OSBPL9: variants seen among roughly 807,000 people sequenced by gnomAD.
OSBPL9 encodes the protein oxysterol binding protein like 9.
A neutral mutation model predicts 106.6 loss-of-function variants in OSBPL9; 40 were observed. The observed-to-expected ratio is 0.38, with a 90% CI of 0.29 to 0.49. The LOEUF is 0.49. OSBPL9 is among the 20% of genes least tolerant of loss of function. The probability of loss-of-function intolerance (pLI) is 0.97; values close to 1 mark genes in which losing one functional copy is unlikely to be tolerated. For synonymous variants in OSBPL9, 269 were observed against 295.4 expected (o/e 0.91, Z 0.92); for missense variants, 609 against 887.2 (o/e 0.69, Z 3.98).
intron 2 of OSBPL9, among the ~76,000 whole-genome samples, chr1:51,606,920 G>C (rs1259289004): frequency 6.6e-6 from 1 of 151,820 alleles, no homozygotes; most frequent in Non-Finnish European, 1.5e-5. Flanking sequence ...CATGGTGGCG[G>C]GCGCCTGTAG....
chr1:51,651,230 T>C (rs895965040), intron 1 of OSBPL9, among the ~76,000 whole-genome samples: 2 of 152,282 alleles, frequency 1.3e-5, no homozygotes, highest in Non-Finnish European at 2.9e-5. Flanking sequence ...GCAAAAAATG[T>C]TACCCATTTG....
the OSBPL9 span, among the ~76,000 whole-genome samples, chr1:51,562,194 T>C: frequency 2.8e-4 from 42 of 152,138 alleles, no homozygotes; most frequent in Non-Finnish European, 1.0e-4. Context: ...TGGGAGGTGA[T>C]TGGATCATGG....
At chr1:51,734,824 G>A (rs984467842) in intron 4 of OSBPL9, among the ~76,000 whole-genome samples, 5 of 151,886 alleles carry the variant, frequency 3.3e-5, no homozygotes, top group African/African-American at 1.2e-4. Context: ...CCCCTTGGTC[G>A]CCTTTCCCCC....
chr1:51,681,626 A>G (rs1435954849), intron 3 of OSBPL9, among the ~76,000 whole-genome samples: 3 of 152,198 alleles, frequency 2.0e-5, no homozygotes, highest in African/African-American at 7.2e-5. Context: ...AGGTTTCTCA[A>G]AAAACTAAAA....
At chr1:51,575,466 C>T (rs1645177899), upstream of OSBPL9, among the ~76,000 whole-genome samples, 2 of 151,972 alleles carry the variant, frequency 1.3e-5, no homozygotes, top group Non-Finnish European at 2.9e-5. Context: ...CTGCCTCGGC[C>T]TCCCAAAGTG....
chr1:51,711,482 CCCG>C (rs2148885015), intron 3 of OSBPL9, among the ~76,000 whole-genome samples: 1 of 139,902 alleles, frequency 7.1e-6, no homozygotes, highest in African/African-American at 2.7e-5. Flanking sequence ...CCACCTCCCT[CCCG>C]GACGGGGCGG....
rs1571369916 is a variant in OSBPL9, at chr1:51,729,646, C to T, written c.318+15567C>T. The T allele has an allele frequency of 3.6e-5, 11 of 306,588 alleles. No individual in the cohort carries two copies. In the East Asian group the frequency reaches 7.0e-4, roughly 19 times the overall value. 19.0% of individuals were successfully genotyped at this position (306,588 alleles called of 1,614,324 possible). A position where few individuals can be genotyped will look rare whatever the true frequency, so the allele number is the denominator to read the frequency against. ...CACCCCTCCCGCGAGCTGCCAGCTC[C>T]CTCGGCCTCTCCACCCAAAACTGGC... is the stretch of plus-strand genomic sequence containing the variant. On this transcript the variant is annotated intron_variant, in intron 4 of 23. Transcript: ENST00000428468. The surrounding 1 kb of genome is among the most constrained non-coding windows in gnomAD (Gnocchi z 5.1).
Position 51,684,958 on chromosome 1 carries a change from C to T in OSBPL9, c.241+15446C>T, listed in dbSNP as rs1411458954. ...AGAGAATCTAGCTCTGTCACCCAGG[C>T]TGGAATGCAGTGGCAGGATCATAGC... On this transcript the variant is annotated intron_variant, in intron 3 of 23. Coordinates refer to ENST00000428468, the MANE Select transcript of OSBPL9 (RefSeq NM_024586.6). 2.0e-5 allele frequency among the ~76,000 whole-genome samples: 3 copies of T among 148,498 alleles called. No homozygotes were observed. The East Asian group carries it at 5.9e-4, about 29-fold the overall frequency.
the OSBPL9 span, among the ~76,000 whole-genome samples, chr1:51,526,792 T>C: frequency 6.6e-6 from 1 of 152,098 alleles, no homozygotes; most frequent in Non-Finnish European, 1.5e-5. Flanking sequence ...GTCACCAGGC[T>C]GGAGTGCAGT....
chr1:51,716,898 C>A (rs1661162973), intron 4 of OSBPL9, among the ~76,000 whole-genome samples: 1 of 152,042 alleles, frequency 6.6e-6, no homozygotes, highest in East Asian at 1.9e-4. Context: ...CACAAAACTC[C>A]CCCCACCCAC....
At chr1:51,560,854 C>T in the OSBPL9 span, 1 of 152,308 alleles carries the variant, frequency 6.6e-6, no homozygotes, top group East Asian at 1.9e-4. Context: ...AGAGTTTTAC[C>T]ACATCTCTGA....
At chr1:51,570,577 C>T in the OSBPL9 span, among the ~76,000 whole-genome samples, 6 of 152,176 alleles carry the variant, frequency 3.9e-5, no homozygotes, top group Non-Finnish European at 8.8e-5. Context: ...CAAATGAAAT[C>T]ATGCCATACA....
chr1:51,738,640 T>C (rs1666224125), intron 4 of OSBPL9, among the ~76,000 whole-genome samples: 1 of 152,016 alleles, frequency 6.6e-6, no homozygotes, highest in Admixed American at 6.6e-5. Flanking sequence ...CTGTTATTCA[T>C]TTCTTTTTTA....
intron 3 of OSBPL9, among the ~76,000 whole-genome samples, chr1:51,676,513 C>G (rs1406612391): frequency 6.6e-6 from 1 of 151,462 alleles, no homozygotes; most frequent in Non-Finnish European, 1.5e-5. Context: ...CGCTAATTAG[C>G]CGGGAGTGGT....
At chr1:51,598,603 G>GGT (rs144426018) in intron 2 of OSBPL9, among the ~76,000 whole-genome samples, 104 of 151,174 alleles carry the variant, frequency 6.9e-4, no homozygotes, top group Admixed American at 1.2e-3. Context: ...AATCTCTCCT[G>GGT]GTGTGTGTGT....
At chr1:51,764,976 C>T (rs1353523630) in intron 11 of OSBPL9, among the ~76,000 whole-genome samples, 1 of 152,210 alleles carries the variant, frequency 6.6e-6, no homozygotes, top group Non-Finnish European at 1.5e-5. Context: ...CTTTAGTCTT[C>T]ACCAGACATC....
chr1:51,674,663 A>C (rs1570980518), intron 3 of OSBPL9, among the ~76,000 whole-genome samples: 2 of 152,268 alleles, frequency 1.3e-5, no homozygotes, highest in Non-Finnish European at 2.9e-5. Context: ...AAGGACATTT[A>C]GGTCAACGAT....
At chr1:51,712,066 G>A (rs2148888142) in intron 3 of OSBPL9, among the ~76,000 whole-genome samples, 1 of 152,194 alleles carries the variant, frequency 6.6e-6, no homozygotes, top group East Asian at 1.9e-4. Flanking sequence ...GCAGGCGGCT[G>A]GGAGGTGTAG....
chr1:51,675,700 G>T (rs1651018791), intron 3 of OSBPL9, among the ~76,000 whole-genome samples: 1 of 152,120 alleles, frequency 6.6e-6, no homozygotes, highest in Non-Finnish European at 1.5e-5. Flanking sequence ...GTGAAAAGTA[G>T]TTGCACATTA....
Sources: allele counts gnomAD v4.1 joint callset (sites outside exome capture counted in the v4.1 genomes callset), GRCh38; gene constraint gnomAD v4.1.1; non-coding constraint Gnocchi (gnomAD v3.1); transcripts MANE v1.5; gene names NCBI Gene and HGNC (gene_info 2026-07-23, HGNC 2026-07-21).